Variants in PREX1 observed in about 807,000 individuals in gnomAD.
PREX1 encodes the protein phosphatidylinositol-3,4,5-trisphosphate dependent Rac exchange factor 1, also known as phosphatidylinositol 3,4,5-trisphosphate-dependent Rac exchanger 1 protein.
In PREX1, 41 loss-of-function variants were observed where a neutral mutation model predicts 198.3. The observed-to-expected ratio is 0.21, with a 90% CI of 0.16 to 0.27. PREX1 has a LOEUF of 0.27. Among genes scored for constraint, PREX1 ranks in the 10% least tolerant of loss-of-function variants. The pLI, the probability that PREX1 is intolerant of heterozygous loss-of-function variation, is 1.00. For missense variants in PREX1, 1,620 were observed against 2,200.7 expected, an observed-to-expected ratio of 0.74 and a Z score of 5.28; for synonymous variants, 843 against 887.2, an observed-to-expected ratio of 0.95 and a Z score of 0.89.
At chr20:48,721,237 T>C (rs928999563) in intron 5 of PREX1, among the ~76,000 whole-genome samples, 4 of 152,210 alleles carry the variant, frequency 2.6e-5, no homozygotes, top group African/African-American at 9.7e-5. Context: ...ATCCCTGCCC[T>C]TGGGGAGCTG....
At chr20:48,719,993 C>T (rs945839339) in intron 5 of PREX1, among the ~76,000 whole-genome samples, 4 of 152,310 alleles carry the variant, frequency 2.6e-5, no homozygotes, top group Non-Finnish European at 5.9e-5. Flanking sequence ...CTTACTCCCT[C>T]GCTCTCTCCC....
At chr20:48,694,558 AAT>A (rs1421231714) in intron 7 of PREX1, among the ~76,000 whole-genome samples, 1 of 152,194 alleles carries the variant, frequency 6.6e-6, no homozygotes, top group Non-Finnish European at 1.5e-5. Context: ...TACGGCAGAA[AAT>A]GAACTCCCAG....
At chr20:48,705,097 C>T (rs929764526) in intron 6 of PREX1, among the ~76,000 whole-genome samples, 2 of 152,216 alleles carry the variant, frequency 1.3e-5, no homozygotes, top group Non-Finnish European at 2.9e-5. Flanking sequence ...CAGGCACTGC[C>T]GAGGACTCTG....
chr20:48,732,522 C>A (rs998005902), intron 4 of PREX1, among the ~76,000 whole-genome samples: 1 of 152,030 alleles, frequency 6.6e-6, no homozygotes, highest in African/African-American at 2.4e-5. Context: ...CGTCTGTGAC[C>A]GAATGAGAAG....
intron 1 of PREX1, among the ~76,000 whole-genome samples, chr20:48,806,455 G>A (rs1385620490): frequency 6.6e-6 from 1 of 152,084 alleles, no homozygotes; most frequent in South Asian, 2.1e-4. Flanking sequence ...TCTAGACTTG[G>A]TTCATTATTA....
chr20:48,632,374 C>T lies in PREX1; in HGVS notation c.4429G>A (p.Gly1477Arg), dbSNP rs1256548925. ...LFTKVLENVEGLPSPGSQAAE... is the reference protein window; with the variant it reads ...LFTKVLENVERLPSPGSQAAE... The stretch of plus-strand genomic sequence containing the variant: ...GCCTGGCTGCCTGGAGAAGGCAGCC[C>T]CTCCACGTTCTCCAGCACTGGGAGG... The change falls in exon 35 of 40, where the codon GGG (glycine) becomes AGG (arginine). Residue 1477 changes from glycine to arginine, a missense_variant. Physicochemically the swap from Gly to Arg is moderately radical, Grantham distance 125. Around this residue, in one of 7 missense-constraint regions of PREX1, gnomAD observed 476 missense variants for 603.4 expected, o/e 0.79. Transcript: ENST00000371941. The T allele has an allele frequency of 2.5e-6, 4 of 1,613,742 alleles. No homozygotes were observed. In the African/African-American group the frequency reaches 4.0e-5, roughly 16 times the overall value.
rs1470931325 is a variant in PREX1, at chr20:48,695,467, G to A, written c.918-2677C>T. ...GCTGAATTACTGAGTGATAAGGAAT[G>A]TGAATGATTAGCTTTAGGAGATACT... On this transcript the variant is annotated intron_variant, in intron 7 of 39. Transcript: ENST00000371941. Among the ~76,000 whole-genome samples the A allele has an allele frequency of 1.3e-5, 2 of 152,214 alleles. 1 individual carries two copies. Among genetic ancestry groups the A allele is most frequent in the East Asian group, 3.8e-4 (2 of 5,206 alleles).
In PREX1 at chr20:48,625,785, G is replaced by A. The variant is rs1477017632; in HGVS notation, c.*100C>T. 1.9e-5 allele frequency: 26 copies of A among 1,342,076 alleles called. No individual in the cohort carries two copies. The highest frequency in any genetic ancestry group is 7.7e-5 in the African/African-American group (5 of 64,684). The allele number at this position is 1,342,076 out of a possible 1,614,324, so 83.1% of individuals were successfully genotyped here. Reference sequence around the variant, plus strand: ...GGCAGGTCCCGGAACGGGCGGCTGCGGAAGCCTTGGGCCATCCCTGGAGAA... The same window carrying A: ...GGCAGGTCCCGGAACGGGCGGCTGCAGAAGCCTTGGGCCATCCCTGGAGAA... On this transcript the variant is annotated 3_prime_UTR_variant, in exon 40 of 40. Coordinates refer to ENST00000371941, the MANE Select transcript of PREX1 (RefSeq NM_020820.4).
chr20:48,747,532 G>C (rs548019321), intron 2 of PREX1, among the ~76,000 whole-genome samples: 194 of 152,326 alleles, frequency 1.3e-3, no homozygotes, highest in African/African-American at 4.3e-3. Flanking sequence ...CCGGAAGACT[G>C]GGGGGTCACA....
the PREX1 span, among the ~76,000 whole-genome samples, chr20:48,847,364 T>TAAAAAAAAAAAAAAAA: frequency 1.7e-3 from 128 of 77,138 alleles, 1 homozygote; most frequent in Non-Finnish European, 2.2e-3. Context: ...CCTTCTCTTA[T>TAAAAAAAAAAAAAAAA]AAAAAAAAAA....
intron 4 of PREX1, among the ~76,000 whole-genome samples, chr20:48,729,621 A>G (rs563679277): frequency 1.5e-3 from 224 of 152,262 alleles, no homozygotes; most frequent in Non-Finnish European, 2.5e-3. Flanking sequence ...CCCTAAAGTC[A>G]TATTTGACTC....
chr20:48,702,686 G>C (rs1373030235), intron 6 of PREX1, among the ~76,000 whole-genome samples: 1 of 152,246 alleles, frequency 6.6e-6, no homozygotes, highest in Non-Finnish European at 1.5e-5. Context: ...GAGGGAACCT[G>C]GGTCCTGGCA....
chr20:48,724,930 GCAA>G (rs1248862957), intron 5 of PREX1, among the ~76,000 whole-genome samples: 4 of 152,360 alleles, frequency 2.6e-5, no homozygotes, highest in Middle Eastern at 3.4e-3. Flanking sequence ...CGAAGCCATG[GCAA>G]CAACAAGTGC....
At chr20:48,660,160 C>T in intron 15 of PREX1, 99 bp from the exon 16 acceptor site, 1 of 1,477,256 alleles carries the variant, frequency 6.8e-7, no homozygotes, top group Non-Finnish European at 9.3e-7. Context: ...AGGCCATGGA[C>T]ACGTTTGGTT....
chr20:48,663,373 A>G (rs1444459342), intron 15 of PREX1, among the ~76,000 whole-genome samples: 1 of 152,102 alleles, frequency 6.6e-6, no homozygotes, highest in Non-Finnish European at 1.5e-5. Flanking sequence ...TCAACAAACT[A>G]TGGCCCGGCT....
At chr20:48,764,376 C>T (rs2426089) in intron 1 of PREX1, among the ~76,000 whole-genome samples, 62,102 of 151,956 alleles carry the variant, frequency 0.41, 13,050 homozygotes, top group Admixed American at 0.46. Flanking sequence ...TGTGAATACA[C>T]CACCTTCCAT....
At chr20:48,758,618 T>C (rs6066845) in intron 1 of PREX1, among the ~76,000 whole-genome samples, 109 of 152,264 alleles carry the variant, frequency 7.2e-4, no homozygotes, top group Admixed American at 2.0e-3. Flanking sequence ...TCTCTACATG[T>C]GCAGGGCTGA....
chr20:48,882,169 A>T, the PREX1 span, among the ~76,000 whole-genome samples: 2 of 152,086 alleles, frequency 1.3e-5, no homozygotes, highest in African/African-American at 4.8e-5. Flanking sequence ...GGACATTTGC[A>T]TTGCTTCCAG....
At chr20:48,807,660 T>C (rs539906429) in intron 1 of PREX1, among the ~76,000 whole-genome samples, 1 of 146,232 alleles carries the variant, frequency 6.8e-6, no homozygotes, top group East Asian at 1.9e-4. Flanking sequence ...ACACTGCCAA[T>C]GTATTTTCCC....
Sources: gnomAD v4.1 joint callset for allele counts (sites outside exome capture counted in the v4.1 genomes callset) on GRCh38, gnomAD v4.1.1 for gene constraint, gnomAD v4.1.1 regional missense constraint, MANE v1.5 for transcripts, NCBI Gene and HGNC (gene_info 2026-07-23, HGNC 2026-07-21) for gene names.